Variants in MEI4 observed in about 807,000 individuals in gnomAD.
The protein encoded by MEI4 is meiosis-specific protein MEI4.
MEI4 carries 27 observed loss-of-function variants against 31.4 expected under a neutral mutation model. The observed-to-expected ratio is 0.86, with a 90% CI of 0.63 to 1.19. The LOEUF is 1.19. MEI4 is among the 50% of genes most tolerant of loss of function. MEI4 has a pLI of 0.00. For missense variants in MEI4, 329 were observed against 398.9 expected (o/e 0.82, Z 1.49); for synonymous variants, 122 against 145.4 (o/e 0.84, Z 1.16).
intron 1 of MEI4, among the ~76,000 whole-genome samples, chr6:77,682,435 A>G (rs1768975784): frequency 6.6e-6 from 1 of 152,224 alleles, no homozygotes; most frequent in Non-Finnish European, 1.5e-5. Flanking sequence ...GTTTAAGGTT[A>G]TACTGTAGAA....
At chr6:77,754,018 G>A (rs1008130327) in intron 2 of MEI4, among the ~76,000 whole-genome samples, 3 of 151,966 alleles carry the variant, frequency 2.0e-5, no homozygotes, top group African/African-American at 4.8e-5. Flanking sequence ...ACCAAACACC[G>A]CATGTCTCAC....
chr6:77,787,428 G>A (rs1247271382), intron 3 of MEI4, among the ~76,000 whole-genome samples: 1 of 152,124 alleles, frequency 6.6e-6, no homozygotes, highest in Non-Finnish European at 1.5e-5. Context: ...GGTGGTTGGT[G>A]GGGTGGTAGC....
At chr6:77,794,007 T>TAA (rs367578662) in intron 3 of MEI4, among the ~76,000 whole-genome samples, 6 of 151,826 alleles carry the variant, frequency 4.0e-5, no homozygotes, top group African/African-American at 1.5e-4. Context: ...ATGAATAGAT[T>TAA]AAAAAAACAA....
In MEI4 at chr6:77,771,165, G is replaced by A. The variant is rs1582125064; in HGVS notation, c.768+9500G>A. On this transcript the variant is annotated intron_variant, in intron 3 of 4. Transcript: ENST00000684080. ...ACTTTTCAAAAGAAGACATACATGT[G>A]GCTAACAAGCATATGAAAAAAATGC... Among the ~76,000 whole-genome samples the A allele has an allele frequency of 1.3e-5, 2 of 152,068 alleles. 1 individual carries two copies.
At chr6:77,775,149 C>CAGATTCTTA (rs1188440269) in intron 3 of MEI4, among the ~76,000 whole-genome samples, 1 of 152,160 alleles carries the variant, frequency 6.6e-6, no homozygotes, top group Non-Finnish European at 1.5e-5. Flanking sequence ...CTCTTCATCT[C>CAGATTCTTA]AGATTCTTAA....
intron 4 of MEI4, among the ~76,000 whole-genome samples, chr6:77,859,873 T>C (rs184101125): frequency 6.6e-6 from 1 of 152,302 alleles, no homozygotes; most frequent in East Asian, 1.9e-4. Context: ...GTACTTCTGA[T>C]CCACAGTGAT....
intron 3 of MEI4, among the ~76,000 whole-genome samples, chr6:77,789,250 C>T (rs530588912): frequency 1.8e-4 from 28 of 152,152 alleles, no homozygotes; most frequent in Admixed American, 6.5e-5. Context: ...ATACAAAAAT[C>T]AATTCAAGAT....
At chr6:77,895,097 ATT>A (rs1766053460) in intron 4 of MEI4, among the ~76,000 whole-genome samples, 1 of 152,168 alleles carries the variant, frequency 6.6e-6, no homozygotes, top group Non-Finnish European at 1.5e-5. Context: ...GAAATATTGC[ATT>A]CTCTCCCAAG....
chr6:77,776,166 T>G (rs1768435950), intron 3 of MEI4, among the ~76,000 whole-genome samples: 1 of 98,574 alleles, frequency 1.0e-5, no homozygotes, highest in African/African-American at 4.6e-5. Flanking sequence ...GTTTTTTTTT[T>G]GTTTTTGTTT....
At chr6:77,865,723 A>G (rs1217623154) in intron 4 of MEI4, among the ~76,000 whole-genome samples, 1 of 152,212 alleles carries the variant, frequency 6.6e-6, no homozygotes, top group African/African-American at 2.4e-5. Flanking sequence ...TCCCTAACTC[A>G]TTTTATGAGG....
chr6:77,872,306 A>G (rs1007971706), intron 4 of MEI4, among the ~76,000 whole-genome samples: 9 of 152,128 alleles, frequency 5.9e-5, no homozygotes, highest in African/African-American at 1.9e-4. Context: ...GTGGCCAGGC[A>G]CAGTGGCATG....
chr6:77,846,136 G>A (rs1770477858), intron 4 of MEI4, among the ~76,000 whole-genome samples: 1 of 151,006 alleles, frequency 6.6e-6, no homozygotes. Flanking sequence ...TTTTTGAGAT[G>A]GAGTCTTGCT....
At chr6:77,865,672 C>A (rs1195469172) in intron 4 of MEI4, among the ~76,000 whole-genome samples, 1 of 152,158 alleles carries the variant, frequency 6.6e-6, no homozygotes, top group East Asian at 1.9e-4. Flanking sequence ...TGGTACCATT[C>A]CTTCTGAAAC....
At chr6:77,896,403 A>G (rs1323466383) in intron 4 of MEI4, among the ~76,000 whole-genome samples, 1 of 152,108 alleles carries the variant, frequency 6.6e-6, no homozygotes, top group Non-Finnish European at 1.5e-5. Context: ...AGACACTAAA[A>G]GAGCACATTA....
At chr6:77,922,323 C>CTAAT (rs1006264075) in intron 4 of MEI4, among the ~76,000 whole-genome samples, 2 of 151,588 alleles carry the variant, frequency 1.3e-5, no homozygotes, top group Non-Finnish European at 1.5e-5. Context: ...GATTTGAGTT[C>CTAAT]TAATTAGTCT....
intron 2 of MEI4, among the ~76,000 whole-genome samples, chr6:77,723,284 T>TGGCG (rs1406775280): frequency 7.2e-6 from 1 of 139,144 alleles, no homozygotes; most frequent in Non-Finnish European, 1.6e-5. Flanking sequence ...CTGCCACTTG[T>TGGCG]GGCGGGGGAC....
rs937677961 is a variant in MEI4 at position 77,778,570 on chromosome 6, C to T, written c.768+16905C>T. Among the ~76,000 whole-genome samples, 12 of 151,650 alleles carry T rather than the reference C, an allele frequency of 7.9e-5. 1 individual carries two copies. The highest frequency in any genetic ancestry group is 1.9e-4 in the African/African-American group (8 of 41,300). On this transcript the variant is annotated intron_variant, in intron 3 of 4. Coordinates refer to ENST00000684080, the MANE Select transcript of MEI4 (RefSeq NM_001322247.2). ...ACAAAAAAATAGCTGGGCGGTATGG[C>T]GAGCGTCTGTAGTCTCAGCTACCTG...
chr6:77,846,883 C>T (rs1454221865), intron 4 of MEI4, among the ~76,000 whole-genome samples: 3 of 152,164 alleles, frequency 2.0e-5, no homozygotes, highest in South Asian at 4.1e-4. Flanking sequence ...AATCCCCCAC[C>T]CTGTTGTTTG....
chr6:77,747,502 C>G (rs1271327895), intron 2 of MEI4, among the ~76,000 whole-genome samples: 1 of 152,028 alleles, frequency 6.6e-6, no homozygotes, highest in East Asian at 1.9e-4. Context: ...GGAAGAGCCC[C>G]TTATAAAACC....
Sources: gnomAD v4.1 joint callset for allele counts (sites outside exome capture counted in the v4.1 genomes callset) on GRCh38, gnomAD v4.1.1 for gene constraint, MANE v1.5 for transcripts, NCBI Gene and HGNC (gene_info 2026-07-23, HGNC 2026-07-21) for gene names.